Variants in EML6 observed in about 807,000 individuals in gnomAD.
EML6 encodes echinoderm microtubule-associated protein-like 6.
In EML6, 154 loss-of-function variants were observed where a neutral mutation model predicts 240.1. That is an observed-to-expected ratio of 0.64 (90% CI 0.56 to 0.73). The LOEUF is 0.73. Among genes scored for constraint, EML6 ranks in the 30% least tolerant of loss-of-function variants. The pLI, the probability that EML6 is intolerant of heterozygous loss-of-function variation, is 0.00. For missense variants in EML6, 2,964 were observed against 2,474.6 expected (o/e 1.20, Z -4.20); for synonymous variants, 1,148 against 899.0 (o/e 1.28, Z -4.95).
rs1671253464 is a variant in EML6 at position 54,871,494 on chromosome 2, T to C, written c.2239-6T>C. 2 of 1,547,984 alleles carry C rather than the reference T, an allele frequency of 1.3e-6. No homozygotes were observed. The highest frequency in any genetic ancestry group is 1.7e-6 in the Non-Finnish European group (2 of 1,143,478). ...GTAGTTAATAACAGTCATTCTGTTA[T>C]TTAAGGTTGGAAGAGATGCTGCTAT... On this transcript the variant is annotated splice_region_variant and splice_polypyrimidine_tract_variant and intron_variant, in intron 15 of 41. Coordinates refer to ENST00000356458, the MANE Select transcript of EML6 (RefSeq NM_001039753.4).
chr2:54,928,315 A>T lies in EML6; in HGVS notation c.3678A>T (p.Gly1226=), dbSNP rs61910689. Reference sequence around the variant, plus strand: ...ATAACCAATTTCGGGCTTTACAGGGACAGCACGCAAGATTCAAGAAGTATG... The same window carrying T: ...ATAACCAATTTCGGGCTTTACAGGGTCAGCACGCAAGATTCAAGAAGTATG... ...FVKLFSYPVK[G]QHARFKKYVG... is the part of the protein sequence containing the mutation. The change falls in exon 27 of 42, where the codon GGA becomes GGT. Residue 1226 remains glycine (G), a splice_region_variant and synonymous_variant. Transcript: ENST00000356458. 8.1e-4 allele frequency: 1,250 copies of T among 1,551,886 alleles called. 7 individuals carry two copies. In the African/African-American group the frequency reaches 0.014, roughly 17 times the overall value.
At chr2:54,925,027 C>G (rs1190041956) in intron 26 of EML6, among the ~76,000 whole-genome samples, 1 of 152,154 alleles carries the variant, frequency 6.6e-6, no homozygotes, top group African/African-American at 2.4e-5. Flanking sequence ...TTGTGTCTTC[C>G]CAAATCTGTG....
chr2:54,750,467 T>C (rs1350577761), intron 2 of EML6, among the ~76,000 whole-genome samples: 1 of 152,310 alleles, frequency 6.6e-6, no homozygotes, highest in East Asian at 1.9e-4. Context: ...CCAACTCAAA[T>C]TGGCCTAAGG....
chr2:54,821,613 A>T (rs1668339121), intron 5 of EML6, among the ~76,000 whole-genome samples: 1 of 152,136 alleles, frequency 6.6e-6, no homozygotes, highest in Non-Finnish European at 1.5e-5. Flanking sequence ...CATGAAGAGG[A>T]TATATGTACC....
intron 12 of EML6, among the ~76,000 whole-genome samples, chr2:54,862,359 A>AAG (rs1287451893): frequency 6.6e-6 from 1 of 150,970 alleles, no homozygotes; most frequent in Non-Finnish European, 1.5e-5. Flanking sequence ...AAAAAAAAAA[A>AAG]AAAAAACTTT....
At chr2:54,872,699 C>T (rs1205705037) in intron 16 of EML6, among the ~76,000 whole-genome samples, 2 of 152,228 alleles carry the variant, frequency 1.3e-5, no homozygotes, top group African/African-American at 4.8e-5. Flanking sequence ...TGCTCCTTCA[C>T]ATCTGTCTAA....
chr2:54,840,617 TAC>T (rs1669393300), intron 7 of EML6, among the ~76,000 whole-genome samples: 1 of 152,234 alleles, frequency 6.6e-6, no homozygotes, highest in African/African-American at 2.4e-5. Flanking sequence ...TGAATGTTCT[TAC>T]TGAGTAACAA....
At chr2:54,952,724 C>G (rs759162071) in intron 31 of EML6, 32 bp downstream of exon 31, 1 of 1,441,102 alleles carries the variant, frequency 6.9e-7, no homozygotes, top group African/African-American at 1.4e-5. Flanking sequence ...GAGGCTCTCC[C>G]AGCTTGCAGG....
rs1670804269 is a variant in EML6, at chr2:54,863,731, T to C, written c.1826-52T>C. ...GAAAAATATTTTAGATAATTTCAGT[T>C]GCTCAGAGTCTCAGAATTTTTGCTT... On this transcript the variant is annotated intron_variant, in intron 12 of 41. Transcript: ENST00000356458. The C allele has an allele frequency of 1.5e-5, 13 of 861,624 alleles. No individual in the cohort carries two copies. In the South Asian group the frequency reaches 2.0e-4, roughly 14 times the overall value. 53.4% of individuals were successfully genotyped at this position (861,624 alleles called of 1,614,324 possible). A position where few individuals can be genotyped will look rare whatever the true frequency, so the allele number is the denominator to read the frequency against.
At chr2:54,744,933 C>A (rs1452506491) in intron 2 of EML6, among the ~76,000 whole-genome samples, 1 of 150,348 alleles carries the variant, frequency 6.7e-6, no homozygotes, top group Non-Finnish European at 1.5e-5. Flanking sequence ...CACACACACA[C>A]ACACACACAC....
Position 54,968,740 on chromosome 2 carries a change from G to A in EML6, c.5824G>A (p.Val1942Met), listed in dbSNP as rs1193442732. Residue 1942 changes from valine (V) to methionine (M), a missense_variant, in exon 41 of 42, where the codon GTG becomes ATG. By Grantham distance (21) the Val-to-Met change is conservative. Coordinates refer to ENST00000356458, the MANE Select transcript of EML6 (RefSeq NM_001039753.4). ...NIRFSYDDKY[V>M]VSTGGDDCSV... ...CCGTTTCTCTTATGATGACAAGTAT[G>A]TGGTCAGCACTGGAGGAGACGACTG... 5 of 1,549,264 alleles carry A rather than the reference G, an allele frequency of 3.2e-6. No individual in the cohort carries two copies. Among genetic ancestry groups the A allele is most frequent in the East Asian group, 2.4e-5 (1 of 40,908 alleles).
At chr2:54,921,399 G>C (rs139788287) in intron 26 of EML6, among the ~76,000 whole-genome samples, 174 of 152,174 alleles carry the variant, frequency 1.1e-3, no homozygotes, top group African/African-American at 4.1e-3. Context: ...ACTGAAATCT[G>C]TAAGACACTC....
rs373595113 is a variant in EML6, at chr2:54,851,357, G to A, written c.1444+1139G>A. Among the ~76,000 whole-genome samples the A allele has an allele frequency of 5.2e-4, 79 of 152,278 alleles. 1 individual carries two copies. The South Asian group carries it at 0.015, about 29-fold the overall frequency. On this transcript the variant is annotated intron_variant, in intron 10 of 41. Transcript: ENST00000356458. ...GAACCCAGGAGGTGGAGGTTGCAGCGAGCTGAGATCGCACCACTGCACTCC... is the reference window on the plus strand; with the variant it reads ...GAACCCAGGAGGTGGAGGTTGCAGCAAGCTGAGATCGCACCACTGCACTCC...
rs551231712 is a variant in EML6 at position 54,752,083 on chromosome 2, G to A, written c.197+26825G>A. On this transcript the variant is annotated intron_variant, in intron 2 of 41. Coordinates refer to ENST00000356458, the MANE Select transcript of EML6 (RefSeq NM_001039753.4). Reference sequence around the variant, plus strand: ...GGGCATCATTTTCAGCATGTCTAGCGTGCCAGTGTTTTTCATTACACTGTG... The same window carrying A: ...GGGCATCATTTTCAGCATGTCTAGCATGCCAGTGTTTTTCATTACACTGTG... 1.9e-3 allele frequency among the ~76,000 whole-genome samples: 289 copies of A among 152,186 alleles called. 2 individuals carry two copies. The highest frequency in any genetic ancestry group is 6.5e-3 in the African/African-American group (268 of 41,518).
At chr2:54,962,493 C>G (rs986828482) in intron 35 of EML6, 30 bp from the exon 36 acceptor site, 3 of 1,503,806 alleles carry the variant, frequency 2.0e-6, no homozygotes, top group Non-Finnish European at 2.7e-6. Flanking sequence ...AGTATTTGTC[C>G]TTTTTCTAAT....
At chr2:54,920,223 C>T (rs1468577659) in intron 26 of EML6, among the ~76,000 whole-genome samples, 2 of 151,844 alleles carry the variant, frequency 1.3e-5, no homozygotes. Context: ...ATAGAAAAGA[C>T]CAATGAAACT....
intron 2 of EML6, among the ~76,000 whole-genome samples, chr2:54,788,469 C>T (rs910390358): frequency 1.4e-4 from 21 of 150,514 alleles, no homozygotes; most frequent in Non-Finnish European, 1.9e-4. Flanking sequence ...GATTAGGCGT[C>T]CAGCTGGGAA....
At chr2:54,856,642 G>A (rs980106498) in intron 11 of EML6, among the ~76,000 whole-genome samples, 6 of 152,218 alleles carry the variant, frequency 3.9e-5, no homozygotes, top group Non-Finnish European at 7.3e-5. Context: ...AGGAAGGCCA[G>A]TGTGGCTAGA....
intron 9 of EML6, among the ~76,000 whole-genome samples, chr2:54,849,732 T>C (rs7574117): frequency 0.45 from 69,077 of 152,094 alleles, 15,928 homozygotes; most frequent in Middle Eastern, 0.52. Flanking sequence ...TCGTGATCCG[T>C]CTGCCTCGGC....
Sources: gnomAD v4.1 joint callset for allele counts (sites outside exome capture counted in the v4.1 genomes callset) on GRCh38, gnomAD v4.1.1 for gene constraint, MANE v1.5 for transcripts, NCBI Gene and HGNC (gene_info 2026-07-23, HGNC 2026-07-21) for gene names.